KAT6A: variants seen among roughly 807,000 people sequenced by gnomAD.
The protein encoded by KAT6A is lysine acetyltransferase 6A.
KAT6A carries 9 observed loss-of-function variants against 198.4 expected under a neutral mutation model. The ratio of observed to expected loss-of-function variants is 0.05; its 90% CI spans 0.03 to 0.08. The LOEUF (loss-of-function observed/expected upper bound fraction) is 0.08, where lower values mean the gene tolerates loss of function less well. Ranked by LOEUF, KAT6A falls within the 10% of genes least tolerant of loss-of-function variation. The pLI is 1.00. For missense variants in KAT6A, 2,077 were observed against 2,509.9 expected, an observed-to-expected ratio of 0.83 and a Z score of 3.69; for synonymous variants, 890 against 883.0, an observed-to-expected ratio of 1.01 and a Z score of -0.14.
rs1371473985 is a variant in KAT6A, at chr8:42,048,803, T to C, written c.175A>G (p.Thr59Ala). The change falls in exon 2 of 17, where the codon ACA (threonine) becomes GCA (alanine). Residue 59 changes from threonine (T) to alanine (A), a missense_variant. By Grantham distance (58) the Thr-to-Ala change is moderately conservative. This residue lies in a region of KAT6A where 35 missense variants were observed against 76.6 expected (regional missense o/e 0.46). Transcript: ENST00000265713. ...EQLELSVKDGTILKVSNKGLN... is the reference protein window; with the variant it reads ...EQLELSVKDGAILKVSNKGLN... ...CCTTTATTTGAGACTTTTAAAATTG[T>C]TCCATCTTTAACACTCAACTCCAAT... The C allele has an allele frequency of 6.2e-7, 1 of 1,614,172 alleles. No homozygotes were observed. The highest frequency in any genetic ancestry group is 8.5e-7 in the Non-Finnish European group (1 of 1,179,968).
chr8:41,946,541 C>G lies in KAT6A; in HGVS notation c.1996+50G>C, dbSNP rs775134756. 5.0e-4 allele frequency: 438 copies of G among 872,690 alleles called. 1 individual carries two copies. The highest frequency in any genetic ancestry group is 1.2e-3 in the African/African-American group (67 of 57,326). 54.1% of individuals were successfully genotyped at this position (872,690 alleles called of 1,614,324 possible). ...ACACACACACACACACACACACACA[C>G]AGAGAAGGTCCACTGGAAAAGACCA... On this transcript the variant is annotated intron_variant, in intron 12 of 16. Coordinates refer to ENST00000265713, the MANE Select transcript of KAT6A (RefSeq NM_006766.5).
At chr8:41,993,912 G>A (rs1036919878) in intron 2 of KAT6A, among the ~76,000 whole-genome samples, 2 of 152,078 alleles carry the variant, frequency 1.3e-5, no homozygotes, top group African/African-American at 4.8e-5. Flanking sequence ...ACTATATTGG[G>A]TTCACCATAA....
chr8:41,958,651 T>C (rs1300448713), intron 8 of KAT6A, among the ~76,000 whole-genome samples: 2 of 152,230 alleles, frequency 1.3e-5, no homozygotes, highest in East Asian at 3.8e-4. Flanking sequence ...TTTAGAAAAG[T>C]ATTAGTACAT....
rs145797427 is a variant in KAT6A at position 41,941,348 on chromosome 8, G to C, written c.2533C>G (p.Arg845Gly). The C allele has an allele frequency of 1.2e-6, 2 of 1,612,386 alleles. No individual in the cohort carries two copies. The highest frequency in any genetic ancestry group is 1.7e-6 in the Non-Finnish European group (2 of 1,179,984). ...PEVMAPVSST[R>G]LSKQVLPHDS... ...TGAGGAAGGACTTGTTTGCTCAAAC[G>C]TGTAGAACTGACTGGAGCCATAACT... Residue 845 changes from arginine (R) to glycine (G), a missense_variant, in exon 15 of 17, where the codon CGT becomes GGT. By Grantham distance (125) the Arg-to-Gly change is moderately radical. Coordinates refer to ENST00000265713, the MANE Select transcript of KAT6A (RefSeq NM_006766.5).
chr8:41,984,539 A>G (rs1824511253), intron 3 of KAT6A, among the ~76,000 whole-genome samples: 1 of 152,226 alleles, frequency 6.6e-6, no homozygotes, highest in South Asian at 2.1e-4. Context: ...AAAACCACCC[A>G]GATAAGCAAC....
chr8:41,991,820 G>A (rs373513003), intron 2 of KAT6A, among the ~76,000 whole-genome samples: 4 of 151,994 alleles, frequency 2.6e-5, no homozygotes, highest in African/African-American at 9.7e-5. Flanking sequence ...AGTAAGGAGA[G>A]GGGAGTACAG....
chr8:41,947,190 A>T (rs753307773), intron 11 of KAT6A, among the ~76,000 whole-genome samples: 1 of 152,228 alleles, frequency 6.6e-6, no homozygotes, highest in Non-Finnish European at 1.5e-5. Context: ...CTAACTAATG[A>T]AGTAGCCTAA....
At chr8:41,941,886 G>A (rs563645005) in intron 14 of KAT6A, among the ~76,000 whole-genome samples, 1 of 152,138 alleles carries the variant, frequency 6.6e-6, no homozygotes, top group Non-Finnish European at 1.5e-5. Flanking sequence ...AAATTTCTCA[G>A]AAATAAAAAT....
intron 16 of KAT6A, 77 bp downstream of exon 16, chr8:41,937,179 T>A: frequency 8.6e-7 from 1 of 1,158,920 alleles, no homozygotes; most frequent in East Asian, 2.4e-5. Flanking sequence ...TCAGCCTTTT[T>A]ACTGAAGGGT....
At chr8:41,944,463 A>G (rs1487896005) in intron 12 of KAT6A, among the ~76,000 whole-genome samples, 1 of 152,178 alleles carries the variant, frequency 6.6e-6, no homozygotes, top group Non-Finnish European at 1.5e-5. Context: ...CTATCATTCT[A>G]ACTCTAGGCA....
chr8:42,013,648 A>G (rs1587825303), intron 2 of KAT6A, among the ~76,000 whole-genome samples: 1 of 152,250 alleles, frequency 6.6e-6, no homozygotes, highest in Non-Finnish European at 1.5e-5. Flanking sequence ...CCTAACCAAG[A>G]TTAATGGTCC....
In KAT6A at chr8:41,977,237, T is replaced by G; in HGVS notation, c.1134A>C (p.Ser378=). 6.2e-7 allele frequency: 1 copy of G among 1,614,204 alleles called. No individual in the cohort carries two copies. Among genetic ancestry groups the G allele is most frequent in the Non-Finnish European group, 8.5e-7 (1 of 1,180,014 alleles). The change falls in exon 7 of 17, where the codon TCA becomes TCC. Residue 378 remains serine (S), a synonymous_variant. Transcript: ENST00000265713. The part of the protein sequence containing the change: ...ITLSSQSASS[S]SEEGYLERID... ...TCCGCTCTAAATATCCTTCTTCTGA[T>G]GATGATGATGCTGATTGGCTGGAAA...
chr8:42,046,508 G>A (rs1174723184), intron 2 of KAT6A, among the ~76,000 whole-genome samples: 1 of 152,174 alleles, frequency 6.6e-6, no homozygotes, highest in Admixed American at 6.5e-5. Flanking sequence ...TCCAGCCTGG[G>A]TGACAGAACG....
At chr8:42,036,764 G>A (rs539603922) in intron 2 of KAT6A, among the ~76,000 whole-genome samples, 17 of 152,238 alleles carry the variant, frequency 1.1e-4, no homozygotes, top group Non-Finnish European at 2.2e-4. Context: ...TAACTTTCTC[G>A]CAACTATATA....
At position 41,987,459 on chromosome 8, in the gene KAT6A, G is replaced by A; in HGVS notation, c.705C>T (p.Asn235=). ...AAACAGAAGGAAATCACATACCACT[G>A]TTGCCACAGTCGGCACAGGAGATGA... ...EELISCADCG[N]SGHPSCLKFS... The change falls in exon 3 of 17, where the codon AAC becomes AAT. Residue 235 remains asparagine (N), a synonymous_variant. Coordinates refer to ENST00000265713, the MANE Select transcript of KAT6A (RefSeq NM_006766.5). 1 of 1,586,542 alleles carries A rather than the reference G, an allele frequency of 6.3e-7. No homozygotes were observed. Among genetic ancestry groups the A allele is most frequent in the Non-Finnish European group, 8.7e-7 (1 of 1,155,862 alleles).
intron 16 of KAT6A, 48 bp downstream of exon 16, chr8:41,937,208 T>C: frequency 6.9e-7 from 1 of 1,448,460 alleles, no homozygotes; most frequent in Non-Finnish European, 9.5e-7. Flanking sequence ...GCTACTGCTA[T>C]ATATCTGAAG....
Position 42,039,520 on chromosome 8 carries a change from T to C in KAT6A, c.600+8858A>G, listed in dbSNP as rs140568413. Among the ~76,000 whole-genome samples the C allele has an allele frequency of 2.1e-3, 316 of 152,326 alleles. 1 individual carries two copies. Among genetic ancestry groups the C allele is most frequent in the African/African-American group, 7.0e-3 (290 of 41,568 alleles). ...ACAGCTTCAGGAAGACTGAATGATA[T>C]AAATTTTCTTTCCAGATTCATCACA... On this transcript the variant is annotated intron_variant, in intron 2 of 16. Transcript: ENST00000265713.
chr8:41,961,751 CAAAAAAAA>C (rs913470847), intron 8 of KAT6A, among the ~76,000 whole-genome samples: 1 of 46,520 alleles, frequency 2.1e-5, no homozygotes, highest in Non-Finnish European at 4.4e-5. Context: ...GACTCCATCT[CAAAAAAAA>C]AAAAAAAAAA....
chr8:41,973,132 G>A (rs1281696147), intron 8 of KAT6A, among the ~76,000 whole-genome samples: 1 of 152,196 alleles, frequency 6.6e-6, no homozygotes, highest in Non-Finnish European at 1.5e-5. Flanking sequence ...TTTTCCAAAA[G>A]TACTCACATA....
Sources: allele counts gnomAD v4.1 joint callset (sites outside exome capture counted in the v4.1 genomes callset), GRCh38; gene constraint gnomAD v4.1.1; regional missense constraint gnomAD v4.1.1; transcripts MANE v1.5; gene names NCBI Gene and HGNC (gene_info 2026-07-23, HGNC 2026-07-21).